Variants in PLXNA2 observed in about 807,000 individuals in gnomAD.
PLXNA2 encodes plexin A2.
A neutral mutation model predicts 193.5 loss-of-function variants in PLXNA2; 91 were observed. The observed-to-expected ratio is 0.47, with a 90% CI of 0.40 to 0.56. The LOEUF is 0.56. Ranked by LOEUF, PLXNA2 falls within the 20% of genes least tolerant of loss-of-function variation. The probability of loss-of-function intolerance (pLI) is 0.00; values close to 1 mark genes in which losing one functional copy is unlikely to be tolerated. For missense variants in PLXNA2, 1,995 were observed against 2,503.2 expected (o/e 0.80, Z 4.33); for synonymous variants, 997 against 1,027.3 (o/e 0.97, Z 0.56).
At chr1:208,029,709 A>G (rs1664443471) in intron 29 of PLXNA2, 1 of 986,220 alleles carries the variant, frequency 1.0e-6, no homozygotes, top group African/African-American at 1.7e-5. Flanking sequence ...TCCCACCCCA[A>G]GAGGAACCGA....
At chr1:208,051,458 G>A in intron 15 of PLXNA2, 35 bp from the exon 16 acceptor site, 1 of 1,587,638 alleles carries the variant, frequency 6.3e-7, no homozygotes, top group Non-Finnish European at 8.6e-7. Flanking sequence ...TGAGAAGAAA[G>A]GCATGGGCAA....
chr1:208,048,169 C>A (rs774608525), intron 17 of PLXNA2, among the ~76,000 whole-genome samples: 1 of 152,196 alleles, frequency 6.6e-6, no homozygotes, highest in Non-Finnish European at 1.5e-5. Context: ...GGCCTCTGGA[C>A]GCTGCCTGCC....
At chr1:208,209,983 A>AATTTTTTCTTTTTTTTTTTTTTT (rs34413554) in intron 3 of PLXNA2, 1 of 87,322 alleles carries the variant, frequency 1.1e-5, no homozygotes. Flanking sequence ...ATGAAGAGCA[A>AATTTTTTCTTTTTTTTTTTTTTT]TTTTTTTTTT....
intron 11 of PLXNA2, among the ~76,000 whole-genome samples, chr1:208,081,214 T>G (rs1339349183): frequency 6.6e-6 from 1 of 152,204 alleles, no homozygotes; most frequent in Non-Finnish European, 1.5e-5. Flanking sequence ...GGCCTGGGTA[T>G]GAGGAGAAAT....
intron 9 of PLXNA2, among the ~76,000 whole-genome samples, chr1:208,086,600 C>A (rs1336160129): frequency 6.6e-6 from 1 of 151,984 alleles, no homozygotes. Flanking sequence ...GTCAGCTGGC[C>A]ACCTGCATGT....
At chr1:208,052,287 A>G in intron 15 of PLXNA2, 40 bp downstream of exon 15, 1 of 1,603,498 alleles carries the variant, frequency 6.2e-7, no homozygotes, top group Non-Finnish European at 8.5e-7. Context: ...CACATGTCCC[A>G]GATGTGCAGT....
At chr1:208,240,449 A>G (rs1421946756) in intron 1 of PLXNA2, among the ~76,000 whole-genome samples, 1 of 152,164 alleles carries the variant, frequency 6.6e-6, no homozygotes, top group Non-Finnish European at 1.5e-5. Flanking sequence ...CCCACCCCTC[A>G]TTTACTCTAA....
chr1:208,234,573 G>A lies in PLXNA2; in HGVS notation c.-81+9070C>T, dbSNP rs192239545. ...CCAGACATCCTGCTAGGTTTTGACC[G>A]ATGATCAGTGCTACCAAGGATCTGA... is the stretch of plus-strand genomic sequence containing the variant. On this transcript the variant is annotated intron_variant, in intron 1 of 31. Transcript: ENST00000367033. Among the ~76,000 whole-genome samples the A allele has an allele frequency of 6.8e-4, 103 of 152,300 alleles. 1 individual carries two copies. Among genetic ancestry groups the A allele is most frequent in the African/African-American group, 2.3e-3 (94 of 41,572 alleles).
chr1:208,098,483 CACACACACAT>C (rs1666989618), intron 6 of PLXNA2, among the ~76,000 whole-genome samples: 1 of 151,720 alleles, frequency 6.6e-6, no homozygotes, highest in African/African-American at 2.4e-5. Context: ...CACACACACA[CACACACACAT>C]GCAACTCACA....
At chr1:208,076,116 G>A (rs1326818644) in intron 12 of PLXNA2, among the ~76,000 whole-genome samples, 1 of 151,666 alleles carries the variant, frequency 6.6e-6, no homozygotes, top group African/African-American at 2.4e-5. Context: ...TGCCCAGGCT[G>A]GAGTGCAATG....
chr1:208,240,471 A>G (rs185441688), intron 1 of PLXNA2, among the ~76,000 whole-genome samples: 2 of 152,232 alleles, frequency 1.3e-5, no homozygotes, highest in African/African-American at 4.8e-5. Flanking sequence ...CAGGCATGAA[A>G]TCTTTGTAAC....
chr1:208,122,829 G>A (rs1337823765), intron 4 of PLXNA2, among the ~76,000 whole-genome samples: 3 of 152,164 alleles, frequency 2.0e-5, no homozygotes, highest in Non-Finnish European at 2.9e-5. Flanking sequence ...TCCTCTTTGG[G>A]TGGTGGTTGC....
chr1:208,152,876 T>C (rs585194), intron 3 of PLXNA2, among the ~76,000 whole-genome samples: 41,295 of 151,772 alleles, frequency 0.27, 6,679 homozygotes, highest in Non-Finnish European at 0.37. Flanking sequence ...ACCTCCTAGA[T>C]CCTAACCATC....
At chr1:208,134,329 GAA>G (rs1225977837) in intron 4 of PLXNA2, among the ~76,000 whole-genome samples, 1 of 152,068 alleles carries the variant, frequency 6.6e-6, no homozygotes, top group Admixed American at 6.6e-5. Context: ...AAAGAAAGAG[GAA>G]AAAATCAAAA....
chr1:208,122,660 A>C (rs2102451882), intron 4 of PLXNA2, among the ~76,000 whole-genome samples: 1 of 152,280 alleles, frequency 6.6e-6, no homozygotes, highest in East Asian at 1.9e-4. Flanking sequence ...GATCAGTAGG[A>C]AAATAAGGAA....
At chr1:208,184,841 C>A (rs1669948573) in intron 3 of PLXNA2, among the ~76,000 whole-genome samples, 2 of 152,158 alleles carry the variant, frequency 1.3e-5, no homozygotes, top group Non-Finnish European at 2.9e-5. Context: ...GCTGTTCCCC[C>A]AGGCTTAAGC....
intron 3 of PLXNA2, 54 bp from the exon 4 acceptor site, chr1:208,142,517 G>C: frequency 6.6e-7 from 1 of 1,512,074 alleles, no homozygotes; most frequent in Non-Finnish European, 8.8e-7. Context: ...TCCCCTGTGG[G>C]CTACCTGCCT....
chr1:208,213,148 G>C (rs954384694), intron 2 of PLXNA2, among the ~76,000 whole-genome samples: 3 of 150,432 alleles, frequency 2.0e-5, no homozygotes. Flanking sequence ...ATTGATTCTA[G>C]TATCTCCAGA....
chr1:208,227,046 G>T (rs934512756), intron 1 of PLXNA2, among the ~76,000 whole-genome samples: 1 of 152,194 alleles, frequency 6.6e-6, no homozygotes, highest in Admixed American at 6.5e-5. Flanking sequence ...CAATTGAGTT[G>T]CTGTTCTGGT....
Sources: allele counts gnomAD v4.1 joint callset (sites outside exome capture counted in the v4.1 genomes callset), GRCh38; gene constraint gnomAD v4.1.1; transcripts MANE v1.5; gene names NCBI Gene and HGNC (gene_info 2026-07-23, HGNC 2026-07-21).